The following VPS13B variants were observed in gnomAD, a reference collection of about 807,000 sequenced individuals.
VPS13B encodes vacuolar protein sorting 13 homolog B, also known as intermembrane lipid transfer protein VPS13B.
In VPS13B, 285 loss-of-function variants were observed where a neutral mutation model predicts 426.4. The observed-to-expected ratio is 0.67, with a 90% confidence interval of 0.61 to 0.74. The LOEUF is 0.74. Among genes scored for constraint, VPS13B ranks in the 30% least tolerant of loss-of-function variants. The pLI is 0.00. For synonymous variants in VPS13B, 1,676 were observed against 1,676.4 expected (o/e 1.00, Z 0.01); for missense variants, 4,537 against 4,782.6 (o/e 0.95, Z 1.51).
At chr8:99,256,685 ATCT>A (rs1462609973) in intron 17 of VPS13B, among the ~76,000 whole-genome samples, 1 of 152,102 alleles carries the variant, frequency 6.6e-6, no homozygotes, top group Non-Finnish European at 1.5e-5. Flanking sequence ...CCATTTGCAT[ATCT>A]TCTTTGGAGA....
chr8:99,248,333 G>T lies in VPS13B; in HGVS notation c.2516-25865G>T, dbSNP rs935005930. Among the ~76,000 whole-genome samples, 3 of 151,982 alleles carry T rather than the reference G, an allele frequency of 2.0e-5. No individual in the cohort carries two copies. The East Asian group carries it at 5.8e-4, about 29-fold the overall frequency. On this transcript the variant is annotated intron_variant, in intron 17 of 61. Transcript: ENST00000357162. Reference sequence around the variant, plus strand: ...GAATCTCCCCAAAATTTCTTTCAATGTATACATATATAGAAATATATATAT... The same window carrying T: ...GAATCTCCCCAAAATTTCTTTCAATTTATACATATATAGAAATATATATAT...
chr8:99,345,640 A>G (rs1423367004), intron 19 of VPS13B, among the ~76,000 whole-genome samples: 1 of 152,120 alleles, frequency 6.6e-6, no homozygotes, highest in Non-Finnish European at 1.5e-5. Context: ...TTTCTTATAT[A>G]CACTTTTTGT....
At chr8:99,339,527 C>T (rs1811120628) in intron 19 of VPS13B, among the ~76,000 whole-genome samples, 1 of 152,042 alleles carries the variant, frequency 6.6e-6, no homozygotes, top group African/African-American at 2.4e-5. Context: ...ATCCAGTCAC[C>T]TCCCACCAGG....
At chr8:99,485,667 T>C (rs1399612570) in intron 25 of VPS13B, among the ~76,000 whole-genome samples, 2 of 152,220 alleles carry the variant, frequency 1.3e-5, no homozygotes, top group Admixed American at 6.5e-5. Flanking sequence ...CAGATAGTTA[T>C]GTTGTTGACA....
intron 17 of VPS13B, among the ~76,000 whole-genome samples, chr8:99,260,566 ATATAT>A (rs1176978267): frequency 6.6e-6 from 1 of 152,076 alleles, no homozygotes; most frequent in African/African-American, 2.4e-5. Flanking sequence ...CTTCTTGAAC[ATATAT>A]TATATTTGAG....
intron 42 of VPS13B, 147 bp from the exon 43 acceptor site, chr8:99,784,168 G>T: frequency 1.1e-6 from 1 of 945,372 alleles, no homozygotes; most frequent in Non-Finnish European, 1.7e-6. Flanking sequence ...GCTTATCCTG[G>T]CAGTATAGAA....
intron 54 of VPS13B, among the ~76,000 whole-genome samples, chr8:99,838,245 A>C (rs1176119994): frequency 1.3e-5 from 2 of 152,198 alleles, no homozygotes; most frequent in Non-Finnish European, 2.9e-5. Flanking sequence ...CATACCCATG[A>C]TTTGATAGTT....
At chr8:99,224,187 T>A (rs991183623) in intron 17 of VPS13B, among the ~76,000 whole-genome samples, 5 of 152,200 alleles carry the variant, frequency 3.3e-5, no homozygotes, top group Admixed American at 2.0e-4. Flanking sequence ...TGCTTGTAAG[T>A]GCTGTACTAT....
chr8:99,833,102 A>T (rs1815172779), intron 52 of VPS13B, among the ~76,000 whole-genome samples: 1 of 152,178 alleles, frequency 6.6e-6, no homozygotes, highest in Non-Finnish European at 1.5e-5. Context: ...TCAAAATGGA[A>T]TTTTTCTCAA....
intron 19 of VPS13B, among the ~76,000 whole-genome samples, chr8:99,297,366 C>CCTTGTAAT (rs1171984213): frequency 6.6e-6 from 1 of 151,450 alleles, no homozygotes; most frequent in Non-Finnish European, 1.5e-5. Flanking sequence ...AAGTATTAAT[C>CCTTGTAAT]CTTGTAATCA....
At chr8:99,428,272 C>G (rs62163262) in intron 21 of VPS13B, among the ~76,000 whole-genome samples, 167 of 152,198 alleles carry the variant, frequency 1.1e-3, no homozygotes, top group African/African-American at 3.9e-3. Flanking sequence ...GCAACAGAAG[C>G]CAAAAGTGAC....
chr8:99,207,718 A>C (rs1814812791), intron 17 of VPS13B, among the ~76,000 whole-genome samples: 1 of 152,158 alleles, frequency 6.6e-6, no homozygotes. Context: ...TGCAGAAAAG[A>C]TACTTTTTTT....
chr8:99,845,583 T>C (rs996366494), intron 54 of VPS13B, among the ~76,000 whole-genome samples: 1 of 152,146 alleles, frequency 6.6e-6, no homozygotes, highest in African/African-American at 2.4e-5. Context: ...AAAACCCCAA[T>C]AAGCAAGCTG....
intron 27 of VPS13B, among the ~76,000 whole-genome samples, chr8:99,506,210 C>T (rs1415781693): frequency 1.3e-5 from 2 of 152,064 alleles, no homozygotes; most frequent in Non-Finnish European, 2.9e-5. Context: ...ACTTTGATGA[C>T]TCTCATCTCA....
intron 34 of VPS13B, among the ~76,000 whole-genome samples, chr8:99,650,005 C>T (rs749037654): frequency 1.3e-3 from 192 of 152,120 alleles, no homozygotes; most frequent in South Asian, 1.2e-3. Flanking sequence ...GTGTCTTTTA[C>T]AAGGTTTTTA....
chr8:99,302,027 T>C (rs1004162635), intron 19 of VPS13B, among the ~76,000 whole-genome samples: 2 of 152,218 alleles, frequency 1.3e-5, no homozygotes, highest in African/African-American at 2.4e-5. Context: ...TAGTGTCAAA[T>C]AAGAGAGCTC....
chr8:99,517,426 A>C (rs1393392392), intron 29 of VPS13B, among the ~76,000 whole-genome samples: 1 of 152,170 alleles, frequency 6.6e-6, no homozygotes, highest in African/African-American at 2.4e-5. Flanking sequence ...CTCTTGCCCC[A>C]AGAAAAGATG....
chr8:99,071,166 T>C (rs1370340463), intron 3 of VPS13B, among the ~76,000 whole-genome samples: 1 of 152,126 alleles, frequency 6.6e-6, no homozygotes, highest in East Asian at 1.9e-4. Flanking sequence ...TGTTGGTTTT[T>C]GGGCATTGAA....
intron 36 of VPS13B, among the ~76,000 whole-genome samples, chr8:99,707,234 A>G (rs1000343830): frequency 2.0e-5 from 3 of 152,308 alleles, no homozygotes; most frequent in Middle Eastern, 3.4e-3. Flanking sequence ...CCTGCTACTT[A>G]CTGACCAGCT....
Sources: allele counts gnomAD v4.1 joint callset (sites outside exome capture counted in the v4.1 genomes callset), GRCh38; gene constraint gnomAD v4.1.1; transcripts MANE v1.5; gene names NCBI Gene and HGNC (gene_info 2026-07-23, HGNC 2026-07-21).